The following SLC37A2 variants were observed in gnomAD, a reference collection of about 807,000 sequenced individuals.
SLC37A2 encodes the protein solute carrier family 37 member 2, also known as glucose-6-phosphate exchanger SLC37A2.
SLC37A2 carries 59 observed loss-of-function variants against 70.7 expected under a neutral mutation model. The ratio of observed to expected loss-of-function variants is 0.83; its 90% CI spans 0.68 to 1.04. SLC37A2 has a LOEUF of 1.04. Among genes scored for constraint, SLC37A2 ranks in the 50% least tolerant of loss-of-function variants. SLC37A2 has a pLI of 0.00. For missense variants in SLC37A2, 580 were observed against 658.1 expected, an observed-to-expected ratio of 0.88 and a Z score of 1.30; for synonymous variants, 257 against 262.1, an observed-to-expected ratio of 0.98 and a Z score of 0.19.
At chr11:125,078,352 G>A (rs1196489076) in intron 4 of SLC37A2, among the ~76,000 whole-genome samples, 1 of 152,264 alleles carries the variant, frequency 6.6e-6, no homozygotes, top group East Asian at 1.9e-4. Context: ...ATCCAGATGA[G>A]CATTTCTGAG....
At chr11:125,075,130 G>A (rs139946998) in intron 1 of SLC37A2, among the ~76,000 whole-genome samples, 4 of 152,314 alleles carry the variant, frequency 2.6e-5, no homozygotes, top group African/African-American at 9.6e-5. Flanking sequence ...GAGGTGCCAC[G>A]CAAAGCTTCC....
intron 1 of SLC37A2, among the ~76,000 whole-genome samples, chr11:125,070,173 A>T (rs1321255060): frequency 6.6e-6 from 1 of 152,172 alleles, no homozygotes; most frequent in African/African-American, 2.4e-5. Flanking sequence ...AGGAGCTGTG[A>T]GCTCCTGTGG....
rs771314959 is a variant in SLC37A2, at chr11:125,081,804, C to CT, written c.784dup (p.Cys262LeufsTer9). ...ACCCTGAGGACCCTGGGAACAGTCC[C>CT]TGCTCTATCAGGGAGAGCGGCCTTG... On this transcript the variant is annotated frameshift_variant, in exon 9 of 18. Coordinates refer to ENST00000403796, the MANE Select transcript of SLC37A2 (RefSeq NM_001145290.2). LOFTEE classifies it high-confidence loss of function. 10 of 1,613,872 alleles carry CT rather than the reference C, an allele frequency of 6.2e-6. No individual in the cohort carries two copies. Among genetic ancestry groups the CT allele is most frequent in the African/African-American group, 2.7e-5 (2 of 75,044 alleles).
chr11:125,083,117 T>C lies in SLC37A2; in HGVS notation c.977-698T>C, dbSNP rs1023505144. On this transcript the variant is annotated intron_variant, in intron 10 of 17. Transcript: ENST00000403796. The surrounding 1 kb of genome is among the most constrained non-coding windows in gnomAD (Gnocchi z 4.6). ...AGGAACAACAGTGCCTTGCCACACA[T>C]TGTGCTCGCTCTGAACAGGATACTG... 1.3e-5 allele frequency: 2 copies of C among 151,376 alleles called. No homozygotes were observed. Among genetic ancestry groups the C allele is most frequent in the Admixed American group, 6.6e-5 (1 of 15,212 alleles). The allele number at this position is 151,376 out of a possible 1,614,324, so 9.4% of individuals were successfully genotyped here.
rs201531255 is a variant in SLC37A2 at position 125,080,710 on chromosome 11, C to A, written c.624C>A (p.Gly208=). The change falls in exon 7 of 18, where the codon GGC becomes GGA. Residue 208 remains glycine (G), a synonymous_variant. Transcript: ENST00000403796. The surrounding 1 kb of genome is among the most constrained non-coding windows in gnomAD (Gnocchi z 4.3). The stretch of plus-strand genomic sequence containing the variant: ...GCATCTGGGTGAACGGGCAGTGGGG[C>A]CTGTCGTTCATCGTGCCTGGCATCA... ...IAGIWVNGQW[G]LSFIVPGIIT... The A allele has an allele frequency of 6.3e-7, 1 of 1,576,542 alleles. No individual in the cohort carries two copies. Among genetic ancestry groups the A allele is most frequent in the Non-Finnish European group, 8.6e-7 (1 of 1,160,526 alleles).
Position 125,072,064 on chromosome 11 carries a change from G to A in SLC37A2, c.60-4693G>A, listed in dbSNP as rs1591628159. Among the ~76,000 whole-genome samples, 5 of 152,166 alleles carry A rather than the reference G, an allele frequency of 3.3e-5. No homozygotes were observed. The East Asian group carries it at 9.7e-4, about 29-fold the overall frequency. On this transcript the variant is annotated intron_variant, in intron 1 of 17. Transcript: ENST00000403796. ...ACTAGGGAGCCACTGGGGAACCGGG[G>A]CTGTTTCTGACATCTCTCGGGGGCA... is the stretch of plus-strand genomic sequence containing the variant.
chr11:125,070,008 G>T (rs1949015332), intron 1 of SLC37A2, among the ~76,000 whole-genome samples: 1 of 152,230 alleles, frequency 6.6e-6, no homozygotes, highest in Admixed American at 6.5e-5. Context: ...GATGACTGTG[G>T]CTGGTGCTTA....
At chr11:125,067,566 A>G (rs531223255) in intron 1 of SLC37A2, among the ~76,000 whole-genome samples, 1 of 152,368 alleles carries the variant, frequency 6.6e-6, no homozygotes, top group Admixed American at 6.5e-5. Flanking sequence ...AACATATTAA[A>G]TAAATCTAAT....
Position 125,084,892 on chromosome 11 carries a change from G to A in SLC37A2, c.1174+19G>A. ...TCCATAGGTGAGGAGGAGGTTGCAA[G>A]TCCTGCCAGGCCAGGGGAAAGGCAC... On this transcript the variant is annotated intron_variant, in intron 13 of 17. Coordinates refer to ENST00000403796, the MANE Select transcript of SLC37A2 (RefSeq NM_001145290.2). The A allele has an allele frequency of 6.2e-7, 1 of 1,613,226 alleles. No individual in the cohort carries two copies. Among genetic ancestry groups the A allele is most frequent in the Non-Finnish European group, 8.5e-7 (1 of 1,179,612 alleles).
Position 125,075,465 on chromosome 11 carries a change from G to A in SLC37A2, c.60-1292G>A, listed in dbSNP as rs571132274. On this transcript the variant is annotated intron_variant, in intron 1 of 17. Coordinates refer to ENST00000403796, the MANE Select transcript of SLC37A2 (RefSeq NM_001145290.2). The stretch of plus-strand genomic sequence containing the variant: ...ACCCACATGTGTGCCTTTGGGAACC[G>A]GTGGCCAGAGAGGCCGGGGCGTGGA... Among the ~76,000 whole-genome samples the A allele has an allele frequency of 5.9e-5, 9 of 152,340 alleles. No homozygotes were observed. In the South Asian group the frequency reaches 1.2e-3, roughly 21 times the overall value.
chr11:125,080,797 C>T lies in SLC37A2; in HGVS notation c.694+17C>T. 1 of 1,436,962 alleles carries T rather than the reference C, an allele frequency of 7.0e-7. No homozygotes were observed. The highest frequency in any genetic ancestry group is 9.2e-7 in the Non-Finnish European group (1 of 1,085,236). 89.0% of individuals were successfully genotyped at this position (1,436,962 alleles called of 1,614,324 possible). On this transcript the variant is annotated intron_variant, in intron 7 of 17. Transcript: ENST00000403796. The surrounding 1 kb of genome is among the most constrained non-coding windows in gnomAD (Gnocchi z 4.3). ...TCATCGAACGTGAGTGGGCCCCTCA[C>T]TCCCCACAAGTGAGCCTAGAAGTTC...
chr11:125,084,958 G>C lies in SLC37A2; in HGVS notation c.1174+85G>C. The C allele has an allele frequency of 1.5e-5, 24 of 1,595,910 alleles. No individual in the cohort carries two copies. The South Asian group carries it at 1.9e-4, about 12-fold the overall frequency. Reference sequence around the variant, plus strand: ...ATGAGGCTGGCCCACGGGGGGCACTGACAGGTGGAGGGGCTGGGAGGGCTG... The same window carrying C: ...ATGAGGCTGGCCCACGGGGGGCACTCACAGGTGGAGGGGCTGGGAGGGCTG... On this transcript the variant is annotated intron_variant, in intron 13 of 17. Transcript: ENST00000403796.
At chr11:125,082,878 G>A (rs190720147) in intron 10 of SLC37A2, among the ~76,000 whole-genome samples, 3 of 152,286 alleles carry the variant, frequency 2.0e-5, no homozygotes, top group South Asian at 2.1e-4. Flanking sequence ...ACCTACTCCC[G>A]TCTGCTCCTG....
intron 1 of SLC37A2, among the ~76,000 whole-genome samples, chr11:125,068,579 A>G (rs757876609): frequency 2.6e-5 from 4 of 152,220 alleles, no homozygotes; most frequent in African/African-American, 9.6e-5. Context: ...CCTATGTGCC[A>G]TGTCATTCAG....
intron 6 of SLC37A2, 40 bp downstream of exon 6, chr11:125,079,800 G>A: frequency 6.7e-7 from 1 of 1,494,056 alleles, no homozygotes; most frequent in Non-Finnish European, 9.3e-7. Context: ...AGGATTGGGA[G>A]GGCTGGGGGT....
chr11:125,072,083 G>A (rs1244604930), intron 1 of SLC37A2, among the ~76,000 whole-genome samples: 1 of 152,086 alleles, frequency 6.6e-6, no homozygotes, highest in African/African-American at 2.4e-5. Flanking sequence ...GACATCTCTC[G>A]GGGGCAGCGT....
intron 7 of SLC37A2, 115 bp from the exon 8 acceptor site, chr11:125,081,306 C>T (rs1235110679): frequency 1.3e-5 from 13 of 966,234 alleles, no homozygotes; most frequent in African/African-American, 3.8e-5. Context: ...GAGCTGGAGG[C>T]GGGGCTGGTT....
chr11:125,082,794 G>A (rs924806074), intron 10 of SLC37A2, among the ~76,000 whole-genome samples: 6 of 152,114 alleles, frequency 3.9e-5, no homozygotes, highest in African/African-American at 9.7e-5. Context: ...TCTTCTCCCC[G>A]TGGGACCTAA....
chr11:125,085,729 C>G, intron 16 of SLC37A2, 55 bp downstream of exon 16: 3 of 1,572,596 alleles, frequency 1.9e-6, no homozygotes, highest in Non-Finnish European at 2.6e-6. Flanking sequence ...TCCTGCCAGA[C>G]TGGAACCCTG....
Sources: gnomAD v4.1 joint callset for allele counts (sites outside exome capture counted in the v4.1 genomes callset) on GRCh38, gnomAD v4.1.1 for gene constraint, Gnocchi (gnomAD v3.1) non-coding constraint, MANE v1.5 for transcripts, NCBI Gene and HGNC (gene_info 2026-07-23, HGNC 2026-07-21) for gene names.